Variants in WNK1 observed in about 807,000 individuals in gnomAD.
The protein encoded by WNK1 is WNK lysine deficient protein kinase 1.
WNK1 carries 38 observed loss-of-function variants against 222.8 expected under a neutral mutation model. That is an observed-to-expected ratio of 0.17 (90% CI 0.13 to 0.22). The LOEUF (loss-of-function observed/expected upper bound fraction) is 0.22. Ranked by LOEUF, WNK1 falls within the 10% of genes least tolerant of loss-of-function variation. The pLI, the probability that WNK1 is intolerant of heterozygous loss-of-function variation, is 1.00. For missense variants in WNK1, 2,348 were observed against 2,918.4 expected (o/e 0.80, Z 4.50); for synonymous variants, 1,090 against 1,092.9 (o/e 1.00, Z 0.05).
chr12:814,223 G>A (rs1947146756), intron 2 of WNK1, among the ~76,000 whole-genome samples: 1 of 151,534 alleles, frequency 6.6e-6, no homozygotes, highest in Non-Finnish European at 1.5e-5. Context: ...CAGCTACTTG[G>A]GAGGCTGAGG....
intron 1 of WNK1, among the ~76,000 whole-genome samples, chr12:762,561 G>A (rs1229554852): frequency 6.8e-6 from 1 of 146,978 alleles, no homozygotes; most frequent in East Asian, 1.9e-4. Context: ...TGTGGAGGGC[G>A]GACTGTTCTT....
At chr12:824,349 C>T (rs1391256566) in intron 2 of WNK1, among the ~76,000 whole-genome samples, 3 of 151,420 alleles carry the variant, frequency 2.0e-5, no homozygotes, top group Non-Finnish European at 4.4e-5. Flanking sequence ...TCTCACCAAA[C>T]TTAGCTTCTC....
At chr12:837,186 A>G (rs1949250785) in intron 4 of WNK1, among the ~76,000 whole-genome samples, 1 of 152,238 alleles carries the variant, frequency 6.6e-6, no homozygotes, top group Non-Finnish European at 1.5e-5. Context: ...GATGTGACAT[A>G]CAGAAACCAG....
chr12:754,439 C>T, intron 1 of WNK1, 115 bp downstream of exon 1: 3 of 1,338,506 alleles, frequency 2.2e-6, no homozygotes, highest in Middle Eastern at 1.9e-4. Context: ...CCGAGTGGGA[C>T]GGGGAGGCCA....
Position 907,678 on chromosome 12 carries a change from C to T in WNK1, c.6644-169C>T, listed in dbSNP as rs1955822816. On this transcript the variant is annotated intron_variant, in intron 26 of 27. Transcript: ENST00000315939. ...AAACTGTTTTCATCACCCTATTATA[C>T]CAAAACAAATGGCTAAACAAAACCT... 23 of 843,152 alleles carry T rather than the reference C, an allele frequency of 2.7e-5. No individual in the cohort carries two copies. The South Asian group carries it at 3.1e-4, about 11-fold the overall frequency. The allele number at this position is 843,152 out of a possible 1,614,324, so 52.2% of individuals were successfully genotyped here. A position where few individuals can be genotyped will look rare whatever the true frequency, so the allele number is the denominator to read the frequency against.
chr12:871,937 T>G (rs1952188948), intron 9 of WNK1, among the ~76,000 whole-genome samples: 1 of 152,166 alleles, frequency 6.6e-6, no homozygotes, highest in South Asian at 2.1e-4. Context: ...ACAAAGAGTA[T>G]GTCATTCCTT....
chr12:858,132 G>C lies in WNK1; in HGVS notation c.1400+883G>C, dbSNP rs188413214. 2.7e-3 allele frequency among the ~76,000 whole-genome samples: 403 copies of C among 151,534 alleles called. 2 individuals carry two copies. The highest frequency in any genetic ancestry group is 9.4e-3 in the African/African-American group (390 of 41,328). ...AGTTTGAGTTTTCATTTTTATATAT[G>C]CTGGGTACTTAAATCTCTTTAAGAA... is the stretch of plus-strand genomic sequence containing the variant. On this transcript the variant is annotated intron_variant, in intron 5 of 27. Transcript: ENST00000315939.
chr12:797,652 AATCACT>A (rs2153987056), intron 1 of WNK1, among the ~76,000 whole-genome samples: 1 of 152,216 alleles, frequency 6.6e-6, no homozygotes, highest in South Asian at 2.1e-4. Context: ...ACTCTCTTAA[AATCACT>A]ATCTGGCCAG....
chr12:829,605 T>G (rs1948638319), intron 3 of WNK1, among the ~76,000 whole-genome samples: 1 of 152,208 alleles, frequency 6.6e-6, no homozygotes, highest in East Asian at 1.9e-4. Context: ...CATCATCTTA[T>G]CTTACAGATG....
intron 24 of WNK1, among the ~76,000 whole-genome samples, chr12:896,952 C>G (rs924366864): frequency 6.7e-6 from 1 of 149,756 alleles, no homozygotes; most frequent in Non-Finnish European, 1.5e-5. Context: ...TTCCCAACCA[C>G]TGACTCACAG....
intron 22 of WNK1, 96 bp from the exon 23 acceptor site, chr12:894,466 A>G (rs953316100): frequency 9.7e-7 from 1 of 1,027,778 alleles, no homozygotes; most frequent in Admixed American, 1.7e-5. Flanking sequence ...AGCTTTCCTC[A>G]TGTGTAGTTT....
intron 2 of WNK1, among the ~76,000 whole-genome samples, chr12:817,790 A>G (rs1378689478): frequency 6.7e-6 from 1 of 150,334 alleles, no homozygotes; most frequent in Non-Finnish European, 1.5e-5. Context: ...CATCTCTACT[A>G]AAAATACGAA....
rs11334619 is a variant in WNK1, at chr12:880,634, C to CTT, written c.2833-74_2833-73dup. The CTT allele has an allele frequency of 6.3e-3, 7,559 of 1,196,656 alleles. 5 individuals are homozygous for CTT. Among genetic ancestry groups the CTT allele is most frequent in the Non-Finnish European group, 7.7e-3 (6,397 of 832,466 alleles). The allele number at this position is 1,196,656 out of a possible 1,614,324, so 74.1% of individuals were successfully genotyped here. On this transcript the variant is annotated intron_variant, in intron 11 of 27. Coordinates refer to ENST00000315939, the MANE Select transcript of WNK1 (RefSeq NM_018979.4). ...TACTATTCTTCTTTGCTGTGTGCTT[C>CTT]TTTTTTTTTTTTTTGCATGTCTTGC...
intron 4 of WNK1, among the ~76,000 whole-genome samples, chr12:841,283 C>G (rs1949606146): frequency 6.6e-6 from 1 of 152,180 alleles, no homozygotes; most frequent in Non-Finnish European, 1.5e-5. Flanking sequence ...AACCCATCCC[C>G]TAGCGACCAC....
chr12:789,719 G>A (rs1478059379), intron 1 of WNK1, among the ~76,000 whole-genome samples: 4 of 151,860 alleles, frequency 2.6e-5, no homozygotes, highest in Non-Finnish European at 5.9e-5. Context: ...TGAAAGCATA[G>A]AGTTTTCAGG....
rs1256676539 is a variant in WNK1, at chr12:896,094, C to T, written c.5607C>T (p.Ala1869=). 1.9e-6 allele frequency: 3 copies of T among 1,614,036 alleles called. No homozygotes were observed. The highest frequency in any genetic ancestry group is 2.2e-5 in the East Asian group (1 of 44,876). ...AGGTTTCTGTTGCAGCAGACGGTGC[C>T]CAGAAAGAGGGTAAAAATAAGTCAG... is the stretch of plus-strand genomic sequence containing the variant. ...RFQVSVAADG[A]QKEGKNKSED... Residue 1869 remains alanine, a synonymous_variant, in exon 24 of 28, where the codon GCC becomes GCT. Coordinates refer to ENST00000315939, the MANE Select transcript of WNK1 (RefSeq NM_018979.4).
chr12:878,660 A>T (rs1310260149), intron 10 of WNK1, among the ~76,000 whole-genome samples: 2 of 152,120 alleles, frequency 1.3e-5, no homozygotes, highest in Non-Finnish European at 2.9e-5. Flanking sequence ...AACAGGTTAA[A>T]TAAAGGTGCT....
intron 4 of WNK1, among the ~76,000 whole-genome samples, chr12:849,060 A>G (rs746643741): frequency 6.6e-6 from 1 of 152,062 alleles, no homozygotes; most frequent in African/African-American, 2.4e-5. Context: ...AGGCTTGCTC[A>G]TACAGTTAAG....
At chr12:904,901 C>T (rs1000074522) in intron 26 of WNK1, among the ~76,000 whole-genome samples, 1 of 152,154 alleles carries the variant, frequency 6.6e-6, no homozygotes, top group South Asian at 2.1e-4. Context: ...GCTAGATTGA[C>T]GAGGAGAAAA....
Sources: allele counts gnomAD v4.1 joint callset (sites outside exome capture counted in the v4.1 genomes callset), GRCh38; gene constraint gnomAD v4.1.1; transcripts MANE v1.5; gene names NCBI Gene and HGNC (gene_info 2026-07-23, HGNC 2026-07-21).